Variants in USP47 observed in about 807,000 individuals in gnomAD.
The protein encoded by USP47 is ubiquitin specific peptidase 47, also known as ubiquitin carboxyl-terminal hydrolase 47.
USP47 carries 35 observed loss-of-function variants against 165.1 expected under a neutral mutation model. The ratio of observed to expected loss-of-function variants is 0.21; its 90% CI spans 0.16 to 0.28. USP47 has a LOEUF of 0.28. Ranked by LOEUF, USP47 falls within the 10% of genes least tolerant of loss-of-function variation. USP47 has a pLI of 1.00. For synonymous variants in USP47, 531 were observed against 544.5 expected (o/e 0.98, Z 0.35); for missense variants, 1,277 against 1,607.4 (o/e 0.79, Z 3.52).
chr11:11,905,624 A>T, intron 8 of USP47, 76 bp downstream of exon 8: 7 of 1,319,658 alleles, frequency 5.3e-6, no homozygotes, highest in Non-Finnish European at 7.1e-6. Flanking sequence ...ATCTCTTGTA[A>T]GGTAAGTATC....
At chr11:11,932,618 C>A (rs1162131318) in intron 14 of USP47, among the ~76,000 whole-genome samples, 1 of 152,068 alleles carries the variant, frequency 6.6e-6, no homozygotes, top group Non-Finnish European at 1.5e-5. Context: ...GCTGAAGAGA[C>A]CTACATTTGG....
chr11:11,890,408 G>C (rs1020222107), intron 3 of USP47, among the ~76,000 whole-genome samples: 1 of 152,110 alleles, frequency 6.6e-6, no homozygotes, highest in African/African-American at 2.4e-5. Flanking sequence ...TTTCTCAAAA[G>C]AAGGTATACA....
chr11:11,907,866 C>T (rs962832110), intron 8 of USP47, among the ~76,000 whole-genome samples: 15 of 152,006 alleles, frequency 9.9e-5, no homozygotes, highest in East Asian at 1.9e-4. Context: ...AAAGCCGAGG[C>T]GGGCAGATCA....
At chr11:11,861,732 G>A (rs993683608) in intron 1 of USP47, among the ~76,000 whole-genome samples, 11 of 152,224 alleles carry the variant, frequency 7.2e-5, no homozygotes, top group African/African-American at 2.6e-4. Flanking sequence ...CAGAGGGCAG[G>A]TATGAAAATA....
intron 8 of USP47, among the ~76,000 whole-genome samples, chr11:11,911,037 T>TA: frequency 6.6e-6 from 1 of 152,006 alleles, no homozygotes. Flanking sequence ...CAGTTAGAGA[T>TA]ACAAAGAAAT....
chr11:11,860,478 G>A (rs1261136298), intron 1 of USP47, among the ~76,000 whole-genome samples: 49 of 152,142 alleles, frequency 3.2e-4, no homozygotes, highest in Non-Finnish European at 3.1e-4. Context: ...GTTAAGTAAC[G>A]TTAACGTTTC....
intron 1 of USP47, among the ~76,000 whole-genome samples, chr11:11,854,193 C>T (rs1488188986): frequency 6.9e-6 from 1 of 145,620 alleles, no homozygotes; most frequent in Non-Finnish European, 1.5e-5. Flanking sequence ...AAATTCTCCT[C>T]TTTCAACCTG....
Position 11,892,038 on chromosome 11 carries a change from G to T in USP47, c.428G>T (p.Gly143Val), listed in dbSNP as rs11022079. ...GGTCCGCTTCCAAGAGAAGGTTCTG[G>T]GGGTTCTACCAGTGATTATGTCAGC... The part of the protein sequence containing the change: ...FIGPLPREGS[G>V]GSTSDYVSQS... The change falls in exon 4 of 28, where the codon GGG (glycine) becomes GTG (valine). Residue 143 changes from glycine (G) to valine (V), a missense_variant. By Grantham distance (109) the Gly-to-Val change is moderately radical. Transcript: ENST00000527733. 0.73 allele frequency: 1,170,868 copies of T among 1,613,554 alleles called. 427,626 individuals are homozygous for T. Among genetic ancestry groups the T allele is most frequent in the African/African-American group, 0.93 (69,796 of 75,006 alleles).
chr11:11,937,378 T>C (rs569096607), intron 17 of USP47, among the ~76,000 whole-genome samples: 1 of 152,054 alleles, frequency 6.6e-6, no homozygotes, highest in African/African-American at 2.4e-5. Flanking sequence ...TTTACAATAA[T>C]GTTCTTCTGT....
chr11:11,871,367 GT>G (rs1416349214), intron 1 of USP47, among the ~76,000 whole-genome samples: 7 of 151,798 alleles, frequency 4.6e-5, no homozygotes, highest in Non-Finnish European at 8.8e-5. Flanking sequence ...GCTGGGCATG[GT>G]GGTGCATGCC....
In USP47 at chr11:11,842,070, C is replaced by T. The variant is rs1449878626; in HGVS notation, c.-116C>T. On this transcript the variant is annotated 5_prime_UTR_variant, in exon 1 of 28. Coordinates refer to ENST00000527733, the MANE Select transcript of USP47 (RefSeq NM_001282659.2). The stretch of plus-strand genomic sequence containing the variant: ...GCCCAGGCTGAGGCCTCCGCTATTG[C>T]TGGAGCGCAGGCGGCGGAGAGGATG... 4.5e-6 allele frequency: 6 copies of T among 1,339,724 alleles called. No homozygotes were observed. In the Admixed American group the frequency reaches 1.3e-4, roughly 30 times the overall value. 83.0% of individuals were successfully genotyped at this position (1,339,724 alleles called of 1,614,324 possible).
intron 8 of USP47, among the ~76,000 whole-genome samples, chr11:11,911,553 A>G (rs1852986919): frequency 6.6e-6 from 1 of 152,188 alleles, no homozygotes; most frequent in Non-Finnish European, 1.5e-5. Context: ...AACAACCGAG[A>G]AGACAACAAT....
intron 8 of USP47, among the ~76,000 whole-genome samples, chr11:11,909,138 A>G (rs977226457): frequency 2.0e-5 from 3 of 152,148 alleles, no homozygotes; most frequent in African/African-American, 7.2e-5. Flanking sequence ...GAATGTCACT[A>G]CTTTGTTTAT....
intron 5 of USP47, among the ~76,000 whole-genome samples, chr11:11,898,032 C>G (rs1416791258): frequency 2.0e-5 from 3 of 152,044 alleles, no homozygotes; most frequent in Non-Finnish European, 4.4e-5. Flanking sequence ...TCCATACTCT[C>G]CTTCCACCTC....
intron 1 of USP47, among the ~76,000 whole-genome samples, chr11:11,877,972 T>TA (rs1027712048): frequency 2.6e-5 from 4 of 152,016 alleles, no homozygotes; most frequent in African/African-American, 4.8e-5. Flanking sequence ...TTAGTATTTT[T>TA]AAAAAAAGCA....
chr11:11,885,629 G>A (rs946867219), intron 3 of USP47, among the ~76,000 whole-genome samples: 1 of 152,090 alleles, frequency 6.6e-6, no homozygotes, highest in Non-Finnish European at 1.5e-5. Context: ...CACACATATA[G>A]ACCCCAGGAG....
At chr11:11,879,875 A>G (rs1850718546) in intron 1 of USP47, among the ~76,000 whole-genome samples, 1 of 152,134 alleles carries the variant, frequency 6.6e-6, no homozygotes, top group Non-Finnish European at 1.5e-5. Context: ...AAATATTACT[A>G]TCTTCATGGC....
chr11:11,930,255 T>C, intron 13 of USP47, 135 bp downstream of exon 13: 1 of 732,236 alleles, frequency 1.4e-6, no homozygotes. Context: ...TGCCTCCATA[T>C]TTTGGAAATA....
intron 11 of USP47, among the ~76,000 whole-genome samples, chr11:11,928,086 CTT>C (rs1854383396): frequency 6.6e-6 from 1 of 152,086 alleles, no homozygotes; most frequent in East Asian, 1.9e-4. Context: ...TATGATGAAA[CTT>C]AAAAAATGTA....
Sources: allele counts gnomAD v4.1 joint callset (sites outside exome capture counted in the v4.1 genomes callset), GRCh38; gene constraint gnomAD v4.1.1; transcripts MANE v1.5; gene names NCBI Gene and HGNC (gene_info 2026-07-23, HGNC 2026-07-21).